The following SURF4 variants were observed in gnomAD, a reference collection of about 807,000 sequenced individuals.
SURF4 encodes surfeit 4, also known as surfeit locus protein 4.
A neutral mutation model predicts 30.0 loss-of-function variants in SURF4; 3 were observed. The ratio of observed to expected loss-of-function variants is 0.10; its 90% CI spans 0.05 to 0.26. SURF4 has a LOEUF of 0.26. Among genes scored for constraint, SURF4 ranks in the 10% least tolerant of loss-of-function variants. The probability of loss-of-function intolerance (pLI) is 1.00; values close to 1 mark genes in which losing one functional copy is unlikely to be tolerated. For missense variants in SURF4, 217 were observed against 350.8 expected (o/e 0.62, Z 3.05); for synonymous variants, 143 against 139.9 (o/e 1.02, Z -0.16).
intron 1 of SURF4, chr9:133,370,927 A>C: frequency 7.8e-7 from 1 of 1,289,762 alleles, no homozygotes; most frequent in Non-Finnish European, 1.0e-6. Flanking sequence ...GCCATCAAGC[A>C]GGATATGGTT....
intron 1 of SURF4, among the ~76,000 whole-genome samples, chr9:133,369,561 C>T (rs1326474677): frequency 6.6e-6 from 1 of 152,156 alleles, no homozygotes; most frequent in Non-Finnish European, 1.5e-5. Context: ...AATTTTAGGG[C>T]CAATGCAGAG....
At chr9:133,377,930 G>A (rs1456084682), upstream of SURF4, among the ~76,000 whole-genome samples, 5 of 152,104 alleles carry the variant, frequency 3.3e-5, no homozygotes, top group Admixed American at 6.5e-5. Context: ...AGACAGTGAC[G>A]GATCATCAGG....
Position 133,375,993 on chromosome 9 carries a change from GGCTCGCTCGCTC to G in SURF4, c.-36_-25del. On this transcript the variant is annotated 5_prime_UTR_variant, in exon 1 of 6. Transcript: ENST00000371989. ...ATGGCGACGGCGGGAGGCTCGGCTC[GGCTCGCTCGCTC>G]GCTCGCTGGCTCTCGCCCGTCGGCG... 1 of 1,223,834 alleles carries G rather than the reference GGCTCGCTCGCTC, an allele frequency of 8.2e-7. No individual in the cohort carries two copies. Among genetic ancestry groups the G allele is most frequent in the Non-Finnish European group, 1.0e-6 (1 of 980,444 alleles). The allele number at this position is 1,223,834 out of a possible 1,614,324, so 75.8% of individuals were successfully genotyped here. A position where few individuals can be genotyped will look rare whatever the true frequency, so the allele number is the denominator to read the frequency against.
chr9:133,372,417 T>C (rs1390199421), intron 1 of SURF4, among the ~76,000 whole-genome samples: 1 of 152,228 alleles, frequency 6.6e-6, no homozygotes, highest in Non-Finnish European at 1.5e-5. Flanking sequence ...CACAAGCCAG[T>C]GCGGCCAGCC....
intron 1 of SURF4, among the ~76,000 whole-genome samples, chr9:133,369,641 C>T (rs2130171694): frequency 3.6e-4 from 55 of 152,316 alleles, no homozygotes; most frequent in African/African-American, 1.0e-3. Context: ...GGAAAGGTGA[C>T]GCCACACACC....
intron 1 of SURF4, among the ~76,000 whole-genome samples, chr9:133,368,496 C>T (rs1286103284): frequency 6.6e-6 from 1 of 152,202 alleles, no homozygotes; most frequent in African/African-American, 2.4e-5. Flanking sequence ...AAGCTGGTAC[C>T]GCTAATGGCT....
intron 1 of SURF4, chr9:133,370,861 T>G (rs2130183442): frequency 2.3e-6 from 3 of 1,289,342 alleles, no homozygotes; most frequent in Non-Finnish European, 2.0e-6. Flanking sequence ...AGGAAGAAGA[T>G]GACAGTTAGC....
At chr9:133,373,420 T>C (rs1837621942) in intron 1 of SURF4, among the ~76,000 whole-genome samples, 1 of 151,736 alleles carries the variant, frequency 6.6e-6, no homozygotes, top group African/African-American at 2.4e-5. Context: ...CATGACAACA[T>C]GGCAAAATGC....
chr9:133,366,477 G>C (rs1837179902), intron 3 of SURF4, 122 bp downstream of exon 3: 1 of 1,084,908 alleles, frequency 9.2e-7, no homozygotes, highest in African/African-American at 1.6e-5. Flanking sequence ...AGGAGCTCCA[G>C]GCAGTCAGAG....
At chr9:133,374,564 AG>A (rs1281945513) in intron 1 of SURF4, among the ~76,000 whole-genome samples, 21 of 152,274 alleles carry the variant, frequency 1.4e-4, no homozygotes, top group Admixed American at 9.8e-4. Flanking sequence ...ACCATCTCAA[AG>A]AAAAAATAAA....
intron 1 of SURF4, chr9:133,375,432 G>A: frequency 2.0e-6 from 2 of 986,082 alleles, no homozygotes; most frequent in Non-Finnish European, 2.4e-6. Context: ...TCCTGTAGCT[G>A]GGGCGCACGC....
At chr9:133,372,005 G>A (rs1837535458) in intron 1 of SURF4, among the ~76,000 whole-genome samples, 2 of 152,226 alleles carry the variant, frequency 1.3e-5, no homozygotes, top group Non-Finnish European at 2.9e-5. Flanking sequence ...TGCTGTTTAT[G>A]GGTATAAACT....
intron 1 of SURF4, 102 bp downstream of exon 1, chr9:133,375,820 G>A (rs1181068800): frequency 3.5e-6 from 4 of 1,144,012 alleles, no homozygotes; most frequent in Non-Finnish European, 4.4e-6. Context: ...AGGAGTCAGG[G>A]GGCGGCCCGG....
Position 133,363,942 on chromosome 9 carries a change from G to A in SURF4, c.544-183C>T. On this transcript the variant is annotated intron_variant, in intron 5 of 5. Coordinates refer to ENST00000371989, the MANE Select transcript of SURF4 (RefSeq NM_033161.4). The surrounding 1 kb of genome is among the most constrained non-coding windows in gnomAD (Gnocchi z 4.3). ...CCAAAGGGAGGCAGGAGGCAATAAA[G>A]CACCAGCTTTGAAATGTGGAAGGTT... 2 of 772,132 alleles carry A rather than the reference G, an allele frequency of 2.6e-6. No individual in the cohort carries two copies. The highest frequency in any genetic ancestry group is 4.6e-6 in the Non-Finnish European group (2 of 435,884). The allele number at this position is 772,132 out of a possible 1,614,324, so 47.8% of individuals were successfully genotyped here.
At chr9:133,367,681 A>G in intron 1 of SURF4, 1 of 1,200,712 alleles carries the variant, frequency 8.3e-7, no homozygotes, top group South Asian at 1.6e-5. Flanking sequence ...GAGATGCATG[A>G]CTTGACGTTA....
intron 5 of SURF4, chr9:133,364,022 C>A (rs1837006242): frequency 2.9e-6 from 2 of 688,284 alleles, no homozygotes; most frequent in Admixed American, 2.2e-5. Context: ...CAAGATGAAT[C>A]TCTAATCCAT....
Position 133,367,413 on chromosome 9 carries a change from G to A in SURF4, c.81C>T (p.His27=), listed in dbSNP as rs1388633478. 1.1e-5 allele frequency: 18 copies of A among 1,613,932 alleles called. No homozygotes were observed. Among genetic ancestry groups the A allele is most frequent in the Admixed American group, 5.0e-5 (3 of 60,014 alleles). Residue 27 remains histidine, a synonymous_variant, in exon 2 of 6, where the codon CAC becomes CAT. Coordinates refer to ENST00000371989, the MANE Select transcript of SURF4 (RefSeq NM_033161.4). ...TGCTGATCAGACAGAGGCGCGCCAC[G>A]TGGGGCAGGTACTGCTTTGTGACAC... ...FLRVTKQYLP[H]VARLCLISTF... is the part of the protein sequence containing the mutation.
In SURF4 at chr9:133,363,985, C is replaced by T; in HGVS notation, c.544-226G>A. 4.2e-6 allele frequency: 3 copies of T among 712,740 alleles called. No homozygotes were observed. In the South Asian group the frequency reaches 4.5e-5, roughly 11 times the overall value. 44.2% of individuals were successfully genotyped at this position (712,740 alleles called of 1,614,324 possible). A position where few individuals can be genotyped will look rare whatever the true frequency, so the allele number is the denominator to read the frequency against. On this transcript the variant is annotated intron_variant, in intron 5 of 5. Coordinates refer to ENST00000371989, the MANE Select transcript of SURF4 (RefSeq NM_033161.4). This position sits in a 1 kb window ranked among gnomAD's most constrained non-coding sequence, Gnocchi z 4.3. ...GGAAGGTTTGGGGAAGACTGAAGTT[C>T]CCAACTAGTAACAGGCTGTGATTTA...
Position 133,363,437 on chromosome 9 carries a change from C to T in SURF4, c.*56G>A, listed in dbSNP as rs1403951272. The T allele has an allele frequency of 6.8e-6, 11 of 1,614,024 alleles. No individual in the cohort carries two copies. Among genetic ancestry groups the T allele is most frequent in the African/African-American group, 6.7e-5 (5 of 75,036 alleles). On this transcript the variant is annotated 3_prime_UTR_variant, in exon 6 of 6. Coordinates refer to ENST00000371989, the MANE Select transcript of SURF4 (RefSeq NM_033161.4). This position sits in a 1 kb window ranked among gnomAD's most constrained non-coding sequence, Gnocchi z 4.3. ...GCTGGCAGTTTTGTTGAATCCACCCCGAACCAGTCCTTGACGGCCACGGGT... is the reference window on the plus strand; with the variant it reads ...GCTGGCAGTTTTGTTGAATCCACCCTGAACCAGTCCTTGACGGCCACGGGT...
Sources: gnomAD v4.1 joint callset for allele counts (sites outside exome capture counted in the v4.1 genomes callset) on GRCh38, gnomAD v4.1.1 for gene constraint, Gnocchi (gnomAD v3.1) non-coding constraint, MANE v1.5 for transcripts, NCBI Gene and HGNC (gene_info 2026-07-23, HGNC 2026-07-21) for gene names.